Variants in FOXO4 observed in about 807,000 individuals in gnomAD.
FOXO4 encodes forkhead box protein O4.
A neutral mutation model predicts 20.8 loss-of-function variants in FOXO4; 3 were observed. The observed-to-expected ratio is 0.14, with a 90% confidence interval of 0.07 to 0.37. FOXO4 has a LOEUF of 0.37. FOXO4 is among the 10% of genes least tolerant of loss of function. FOXO4 has a pLI of 1.00. For synonymous variants in FOXO4, 158 were observed against 180.0 expected (o/e 0.88, Z 0.98); for missense variants, 309 against 431.9 (o/e 0.72, Z 2.52).
chrX:71,099,693 G>A (rs1410404730), intron 1 of FOXO4, among the ~76,000 whole-genome samples: 1 of 111,857 alleles, frequency 8.9e-6, no homozygotes, highest in African/African-American at 3.2e-5. Context: ...TCAAGCAGCC[G>A]CTTTATAAAA....
chrX:71,102,466 G>A lies in FOXO4; in HGVS notation c.*382G>A, dbSNP rs754909839. On this transcript the variant is annotated 3_prime_UTR_variant, in exon 3 of 3. Coordinates refer to ENST00000374259, the MANE Select transcript of FOXO4 (RefSeq NM_005938.4). ...TTTGGGAGCAGGATTTTTTTGTAGA[G>A]AGTCTTATCTGAGCTGAGCCAGGCT... is the stretch of plus-strand genomic sequence containing the variant. 9.7e-4 allele frequency: 246 copies of A among 252,366 alleles called. 1 individual carries two copies. The highest frequency in any genetic ancestry group is 7.2e-3 in the Middle Eastern group (6 of 839). The allele number at this position is 252,366 out of a possible 1,213,427, so 20.8% of individuals were successfully genotyped here.
At position 71,101,489 on chromosome X, in the gene FOXO4, A is replaced by G. The variant is rs368544363; in HGVS notation, c.1259A>G (p.Glu420Gly). The G allele has an allele frequency of 7.4e-6, 9 of 1,211,447 alleles. No individual in the cohort carries two copies. Among genetic ancestry groups the G allele is most frequent in the Non-Finnish European group, 8.9e-6 (8 of 895,390 alleles). Reference protein sequence around the residue: ...TGVGLCPKPLEAPGPSSLVPT... With the variant: ...TGVGLCPKPLGAPGPSSLVPT... ...GTCGGCCTGTGTCCCAAGCCCCTAG[A>G]GGCTCCAGGCCCCAGCAGTCTGGTT... The change falls in exon 2 of 3, where the codon GAG (glutamate) becomes GGG (glycine). Residue 420 changes from glutamate (E) to glycine (G), a missense_variant. This residue lies in a region of FOXO4 where 223 missense variants were observed against 302.7 expected (regional missense o/e 0.74). Transcript: ENST00000374259.
chrX:71,096,970 G>A lies in FOXO4; in HGVS notation c.442G>A (p.Ala148Thr). The change falls in exon 1 of 3, where the codon GCA (alanine) becomes ACA (threonine). Residue 148 changes from alanine (A) to threonine (T), a missense_variant. This residue lies in a region of FOXO4 where 223 missense variants were observed against 302.7 expected (regional missense o/e 0.74). Coordinates refer to ENST00000374259, the MANE Select transcript of FOXO4 (RefSeq NM_005938.4). ...FKDKGDSNSS[A>T]GWKNSIRHNL... ...GGACAAGGGTGACAGCAACAGCTCAGCAGGATGGAAGGTAATTATGACCCT... is the reference window on the plus strand; with the variant it reads ...GGACAAGGGTGACAGCAACAGCTCAACAGGATGGAAGGTAATTATGACCCT... 8.3e-7 allele frequency: 1 copy of A among 1,202,385 alleles called. No homozygotes were observed. Among genetic ancestry groups the A allele is most frequent in the Non-Finnish European group, 1.1e-6 (1 of 889,384 alleles).
chrX:71,095,991 C>G lies in FOXO4; in HGVS notation c.-538C>G, dbSNP rs1441979560. On this transcript the variant is annotated 5_prime_UTR_variant, in exon 1 of 3. Transcript: ENST00000374259. ...GGTGCGGGAATAAGGGAGGCCGCAGCCGCGGGGACCCGGACCCTAGTAAGA... is the reference window on the plus strand; with the variant it reads ...GGTGCGGGAATAAGGGAGGCCGCAGGCGCGGGGACCCGGACCCTAGTAAGA... 2.1e-5 allele frequency among the ~76,000 whole-genome samples: 2 copies of G among 96,998 alleles called. No homozygotes were observed. The highest frequency in any genetic ancestry group is 4.1e-5 in the Non-Finnish European group (2 of 48,409). 84.2% of individuals were successfully genotyped at this position (96,998 alleles called of 115,157 possible). A position where few individuals can be genotyped will look rare whatever the true frequency, so the allele number is the denominator to read the frequency against.
At chrX:71,099,174 G>T (rs896431407) in intron 1 of FOXO4, 1 of 111,336 alleles carries the variant, frequency 9.0e-6, no homozygotes, top group Non-Finnish European at 1.9e-5. Context: ...GTAGGGAAAA[G>T]AAGGCAGGTT....
rs144309210 is a variant in FOXO4, at chrX:71,095,995, G to A, written c.-534G>A. Among the ~76,000 whole-genome samples, 14 of 99,995 alleles carry A rather than the reference G, an allele frequency of 1.4e-4. No homozygotes were observed. Among genetic ancestry groups the A allele is most frequent in the Non-Finnish European group, 2.9e-4 (14 of 49,083 alleles). The allele number at this position is 99,995 out of a possible 115,157, so 86.8% of individuals were successfully genotyped here. ...CGGGAATAAGGGAGGCCGCAGCCGC[G>A]GGGACCCGGACCCTAGTAAGAGTGG... On this transcript the variant is annotated 5_prime_UTR_variant, in exon 1 of 3. Transcript: ENST00000374259.
chrX:71,101,478 C>T lies in FOXO4; in HGVS notation c.1248C>T (p.Pro416=). Reference sequence around the variant, plus strand: ...TGGCCACGGGCGTCGGCCTGTGTCCCAAGCCCCTAGAGGCTCCAGGCCCCA... The same window carrying T: ...TGGCCACGGGCGTCGGCCTGTGTCCTAAGCCCCTAGAGGCTCCAGGCCCCA... ...SKLATGVGLC[P]KPLEAPGPSS... The change falls in exon 2 of 3, where the codon CCC becomes CCT. Residue 416 remains proline (P), a synonymous_variant. Transcript: ENST00000374259. 1.7e-6 allele frequency: 2 copies of T among 1,211,671 alleles called. No homozygotes were observed. The highest frequency in any genetic ancestry group is 2.2e-6 in the Non-Finnish European group (2 of 895,412).
At position 71,102,201 on chromosome X, in the gene FOXO4, G is replaced by A; in HGVS notation, c.*117G>A. 2 of 732,995 alleles carry A rather than the reference G, an allele frequency of 2.7e-6. No homozygotes were observed. Among genetic ancestry groups the A allele is most frequent in the South Asian group, 2.3e-5 (1 of 43,101 alleles). The allele number at this position is 732,995 out of a possible 1,213,427, so 60.4% of individuals were successfully genotyped here. On this transcript the variant is annotated 3_prime_UTR_variant, in exon 3 of 3. Coordinates refer to ENST00000374259, the MANE Select transcript of FOXO4 (RefSeq NM_005938.4). ...GGACCCTGCTTTAGAGCTAGGGTGGGGTCTGGTCACACACAGGTGTTGAAG... is the reference window on the plus strand; with the variant it reads ...GGACCCTGCTTTAGAGCTAGGGTGGAGTCTGGTCACACACAGGTGTTGAAG...
Position 71,100,899 on chromosome X carries a change from C to T in FOXO4, c.669C>T (p.Pro223=), listed in dbSNP as rs916509704. 11 of 1,211,362 alleles carry T rather than the reference C, an allele frequency of 9.1e-6. No individual in the cohort carries two copies. The highest frequency in any genetic ancestry group is 8.7e-5 in the Admixed American group (4 of 46,043). ...KKKPSVLPAP[P]EGATPTSPVG... ...AACCATCTGTGCTGCCAGCTCCACC[C>T]GAAGGTGCCACTCCAACGAGCCCTG... Residue 223 remains proline, a synonymous_variant, in exon 2 of 3, where the codon CCC becomes CCT. Coordinates refer to ENST00000374259, the MANE Select transcript of FOXO4 (RefSeq NM_005938.4).
rs1388644124 is a variant in FOXO4, at chrX:71,102,798, CAG to C, written c.*715_*716del. On this transcript the variant is annotated 3_prime_UTR_variant, in exon 3 of 3. Transcript: ENST00000374259. Reference sequence around the variant, plus strand: ...TACAGACAATAAATATTAGGAGACACAGGGAAGTGGGGAGAGGTGGGGAGTAA... The same window carrying C: ...TACAGACAATAAATATTAGGAGACACGGAAGTGGGGAGAGGTGGGGAGTAA... 2 of 171,145 alleles carry C rather than the reference CAG, an allele frequency of 1.2e-5. No individual in the cohort carries two copies. The highest frequency in any genetic ancestry group is 6.0e-5 in the African/African-American group (2 of 33,379). 14.1% of individuals were successfully genotyped at this position (171,145 alleles called of 1,213,427 possible).
rs199679716 is a variant in FOXO4 at position 71,101,370 on chromosome X, C to T, written c.1140C>T (p.Asp380=). Residue 380 remains aspartate, a synonymous_variant, in exon 2 of 3, where the codon GAC becomes GAT. Coordinates refer to ENST00000374259, the MANE Select transcript of FOXO4 (RefSeq NM_005938.4). ...CTGATACGCCACCACCCCCTGCTGA[C>T]GTCCTCATGACCCAGGTAGATCCCA... is the stretch of plus-strand genomic sequence containing the variant. ...LTSDTPPPPA[D]VLMTQVDPIL... 5.9e-4 allele frequency: 708 copies of T among 1,209,613 alleles called. 1 individual carries two copies. The highest frequency in any genetic ancestry group is 7.3e-4 in the Non-Finnish European group (654 of 894,931).
At position 71,103,352 on chromosome X, in the gene FOXO4, A is replaced by C. The variant is rs2092236948; in HGVS notation, c.*1268A>C. The C allele has an allele frequency of 6.2e-6, 1 of 161,484 alleles. No homozygotes were observed. The highest frequency in any genetic ancestry group is 8.4e-5 in the Admixed American group (1 of 11,969). 13.3% of individuals were successfully genotyped at this position (161,484 alleles called of 1,213,427 possible). On this transcript the variant is annotated 3_prime_UTR_variant, in exon 3 of 3. Transcript: ENST00000374259. ...CCATCTGGGGCTCCTTCTCCACCCC[A>C]GCCCCCAAAGCAGCCCTTCCCCCAG...
Position 71,101,084 on chromosome X carries a change from T to C in FOXO4, c.854T>C (p.Ile285Thr). 8.3e-7 allele frequency: 1 copy of C among 1,211,395 alleles called. No individual in the cohort carries two copies. The highest frequency in any genetic ancestry group is 3.0e-5 in the East Asian group (1 of 33,811). The stretch of plus-strand genomic sequence containing the variant: ...GAGTCTGAGGTGCTGGCGGAGGAAA[T>C]ACCAGCTTCAGTCAGCAGTTATGCA... ...RPESEVLAEE[I>T]PASVSSYAGG... The change falls in exon 2 of 3, where the codon ATA (isoleucine) becomes ACA (threonine). Residue 285 changes from isoleucine (I) to threonine (T), a missense_variant. Around this residue, in one of 3 missense-constraint regions of FOXO4, gnomAD observed 223 missense variants for 302.7 expected, o/e 0.74. Transcript: ENST00000374259.
Position 71,102,427 on chromosome X carries a change from G to T in FOXO4, c.*343G>T. ...TGTTGGAAATGTGAAGTCACCAGTG[G>T]CCTTACCCCTGCCTTTGGGAGCAGG... is the stretch of plus-strand genomic sequence containing the variant. On this transcript the variant is annotated 3_prime_UTR_variant, in exon 3 of 3. Coordinates refer to ENST00000374259, the MANE Select transcript of FOXO4 (RefSeq NM_005938.4). 3.4e-6 allele frequency: 1 copy of T among 297,045 alleles called. No homozygotes were observed. Among genetic ancestry groups the T allele is most frequent in the Non-Finnish European group, 5.9e-6 (1 of 169,334 alleles). The allele number at this position is 297,045 out of a possible 1,213,427, so 24.5% of individuals were successfully genotyped here.
Position 71,102,720 on chromosome X carries a change from G to A in FOXO4, c.*636G>A, listed in dbSNP as rs2092234943. ...CATGGCAGGGTGCTAGTGGTGGGCA[G>A]AATGCTTTTTTTTCTTTCTGAAGGC... On this transcript the variant is annotated 3_prime_UTR_variant, in exon 3 of 3. Coordinates refer to ENST00000374259, the MANE Select transcript of FOXO4 (RefSeq NM_005938.4). 5.8e-6 allele frequency: 1 copy of A among 173,020 alleles called. No homozygotes were observed. The highest frequency in any genetic ancestry group is 1.1e-5 in the Non-Finnish European group (1 of 89,792). The allele number at this position is 173,020 out of a possible 1,213,427, so 14.3% of individuals were successfully genotyped here.
In FOXO4 at chrX:71,100,877, C is replaced by A. The variant is rs754797090; in HGVS notation, c.647C>A (p.Pro216Gln). 7 of 1,211,295 alleles carry A rather than the reference C, an allele frequency of 5.8e-6. No individual in the cohort carries two copies. In the South Asian group the frequency reaches 1.2e-4, roughly 21 times the overall value. Residue 216 changes from proline (P) to glutamine (Q), a missense_variant, in exon 2 of 3, where the codon CCA becomes CAA. Pro to Gln is a moderately conservative substitution (Grantham distance 76). Around this residue, in one of 3 missense-constraint regions of FOXO4, gnomAD observed 223 missense variants for 302.7 expected, o/e 0.74. Coordinates refer to ENST00000374259, the MANE Select transcript of FOXO4 (RefSeq NM_005938.4). ...RGRSKAPKKK[P>Q]SVLPAPPEGA... The stretch of plus-strand genomic sequence containing the variant: ...CGCAGTAAAGCCCCCAAGAAGAAAC[C>A]ATCTGTGCTGCCAGCTCCACCCGAA...
In FOXO4 at chrX:71,100,903, G is replaced by A. The variant is rs758569871; in HGVS notation, c.673G>A (p.Gly225Ser). Residue 225 changes from glycine (G) to serine (S), a missense_variant, in exon 2 of 3, where the codon GGT (glycine) becomes AGT (serine). This residue lies in a region of FOXO4 where 223 missense variants were observed against 302.7 expected (regional missense o/e 0.74). Coordinates refer to ENST00000374259, the MANE Select transcript of FOXO4 (RefSeq NM_005938.4). ...KPSVLPAPPE[G>S]ATPTSPVGHF... ...ATCTGTGCTGCCAGCTCCACCCGAA[G>A]GTGCCACTCCAACGAGCCCTGTCGG... 1 of 1,211,648 alleles carries A rather than the reference G, an allele frequency of 8.3e-7. No individual in the cohort carries two copies. Among genetic ancestry groups the A allele is most frequent in the Non-Finnish European group, 1.1e-6 (1 of 895,317 alleles).
At chrX:71,101,788 C>A in intron 2 of FOXO4, 48 bp downstream of exon 2, 1 of 1,010,469 alleles carries the variant, frequency 9.9e-7, no homozygotes, top group South Asian at 1.9e-5. Context: ...TATTACCACT[C>A]CTAGGTGCCC....
rs1477891431 is a variant in FOXO4 at position 71,096,419 on chromosome X, T to C, written c.-110T>C. On this transcript the variant is annotated 5_prime_UTR_variant, in exon 1 of 3. Transcript: ENST00000374259. ...GGGAAGTTCGCGACTTTCTGAAGAC[T>C]GGCAGGAATGTGCCTCCTGGCCCTC... 7 of 686,723 alleles carry C rather than the reference T, an allele frequency of 1.0e-5. No individual in the cohort carries two copies. Among genetic ancestry groups the C allele is most frequent in the Non-Finnish European group, 1.5e-5 (7 of 454,478 alleles). 56.6% of individuals were successfully genotyped at this position (686,723 alleles called of 1,213,427 possible).
Sources: allele counts gnomAD v4.1 joint callset (sites outside exome capture counted in the v4.1 genomes callset), GRCh38; gene constraint gnomAD v4.1.1; regional missense constraint gnomAD v4.1.1; transcripts MANE v1.5; gene names NCBI Gene and HGNC (gene_info 2026-07-23, HGNC 2026-07-21).